CLDN18: variants seen among roughly 807,000 people sequenced by gnomAD.
The protein encoded by CLDN18 is claudin 18.
A neutral mutation model predicts 25.0 loss-of-function variants in CLDN18; 20 were observed. That is an observed-to-expected ratio of 0.80 (90% CI 0.56 to 1.16). The LOEUF is 1.16. CLDN18 is among the 50% of genes most tolerant of loss of function. CLDN18 has a pLI of 0.00. For missense variants in CLDN18, 297 were observed against 345.4 expected, an observed-to-expected ratio of 0.86 and a Z score of 1.11; for synonymous variants, 125 against 135.6, an observed-to-expected ratio of 0.92 and a Z score of 0.54.
intron 3 of CLDN18, among the ~76,000 whole-genome samples, chr3:138,029,157 A>AT (rs913423114): frequency 1.3e-4 from 20 of 150,612 alleles, no homozygotes; most frequent in African/African-American, 2.9e-4. Flanking sequence ...CTTGAGATTG[A>AT]TTTTTTTTTT....
chr3:138,004,392 G>A (rs1409558540), intron 1 of CLDN18, among the ~76,000 whole-genome samples: 1 of 151,912 alleles, frequency 6.6e-6, no homozygotes, highest in Non-Finnish European at 1.5e-5. Context: ...CAAAATACCG[G>A]CAAGAGTTTC....
At chr3:138,001,822 A>G (rs1942019475) in intron 1 of CLDN18, among the ~76,000 whole-genome samples, 1 of 152,208 alleles carries the variant, frequency 6.6e-6, no homozygotes, top group Admixed American at 6.5e-5. Context: ...TTTAATATAT[A>G]CAAGTATAAC....
chr3:138,029,740 G>A, intron 3 of CLDN18, 57 bp from the exon 4 acceptor site: 2 of 1,050,546 alleles, frequency 1.9e-6, no homozygotes, highest in Non-Finnish European at 2.8e-6. Context: ...CAGGTGCAGT[G>A]GGTGGAGCCT....
chr3:137,999,088 G>C (rs772561682), exon 1 of CLDN18: 2 of 1,613,860 alleles, frequency 1.2e-6, no homozygotes. Context: ...GGGGCTGCCA[G>C]GTAAGGGCCA....
intron 3 of CLDN18, among the ~76,000 whole-genome samples, chr3:138,028,048 T>C (rs1028483802): frequency 6.6e-6 from 1 of 151,928 alleles, no homozygotes; most frequent in Non-Finnish European, 1.5e-5. Context: ...TTAATCCTGC[T>C]AAAGTGTGTG....
rs1942123287 is a variant in CLDN18 at position 138,010,454 on chromosome 3, C to T, written c.220+9C>T. 3.1e-6 allele frequency: 5 copies of T among 1,613,744 alleles called. No homozygotes were observed. The highest frequency in any genetic ancestry group is 2.2e-5 in the East Asian group (1 of 44,870). ...CATCCTGGGACTTCCAGGTAGGCAC[C>T]GTGCACCCCGGGGTAGAGCCAGGTG... On this transcript the variant is annotated intron_variant, in intron 1 of 4. Transcript: ENST00000183605.
At chr3:138,005,688 TAAG>T (rs1942061583), upstream of CLDN18, among the ~76,000 whole-genome samples, 1 of 152,304 alleles carries the variant, frequency 6.6e-6, no homozygotes, top group Admixed American at 6.5e-5. Context: ...TGTAAAGAGA[TAAG>T]AACTTTCAAA....
At chr3:138,013,557 CAT>C (rs1553721059) in intron 1 of CLDN18, among the ~76,000 whole-genome samples, 2 of 152,250 alleles carry the variant, frequency 1.3e-5, no homozygotes, top group Non-Finnish European at 2.9e-5. Context: ...GAAAGGAACA[CAT>C]GTCACTCACA....
intron 1 of CLDN18, among the ~76,000 whole-genome samples, chr3:138,016,255 T>C (rs1372089961): frequency 1.3e-5 from 2 of 152,156 alleles, no homozygotes; most frequent in Non-Finnish European, 2.9e-5. Context: ...AAGGCAAAGC[T>C]TCTAAGTCTG....
chr3:138,018,133 A>G (rs1576410059), intron 1 of CLDN18, among the ~76,000 whole-genome samples: 2 of 152,194 alleles, frequency 1.3e-5, no homozygotes, highest in Non-Finnish European at 2.9e-5. Flanking sequence ...CTGCTGCTAT[A>G]AGAAGATTAT....
upstream of CLDN18, among the ~76,000 whole-genome samples, chr3:138,007,025 AT>A (rs762086351): frequency 6.6e-6 from 1 of 152,046 alleles, no homozygotes; most frequent in Non-Finnish European, 1.5e-5. Context: ...TTAATCAACA[AT>A]TTTTTTATTT....
intron 1 of CLDN18, among the ~76,000 whole-genome samples, chr3:138,013,266 AT>A (rs1247574784): frequency 6.6e-6 from 1 of 152,208 alleles, no homozygotes; most frequent in Non-Finnish European, 1.5e-5. Context: ...GAACAGATTC[AT>A]TTGTTCATCC....
At chr3:138,000,062 G>C (rs1216414519) in intron 1 of CLDN18, among the ~76,000 whole-genome samples, 1 of 152,186 alleles carries the variant, frequency 6.6e-6, no homozygotes, top group Non-Finnish European at 1.5e-5. Flanking sequence ...TTTGACTGCA[G>C]GGTCAAGACT....
rs1444377126 is a variant in CLDN18, at chr3:138,031,099, G to A, written c.744G>A (p.Glu248=). The A allele has an allele frequency of 2.5e-6, 4 of 1,614,020 alleles. No homozygotes were observed. The highest frequency in any genetic ancestry group is 3.4e-4 in the Middle Eastern group (2 of 5,966). Residue 248 remains glutamate, a synonymous_variant, in exon 5 of 5, where the codon GAG becomes GAA. Transcript: ENST00000183605. ...KKIYDGGART[E]DEVQSYPSKH... is the part of the protein sequence containing the mutation. Reference sequence around the variant, plus strand: ...TATACGATGGAGGTGCCCGCACAGAGGACGAGGTACAATCTTATCCTTCCA... The same window carrying A: ...TATACGATGGAGGTGCCCGCACAGAAGACGAGGTACAATCTTATCCTTCCA...
At chr3:137,999,751 C>T (rs1050169366) in intron 1 of CLDN18, among the ~76,000 whole-genome samples, 4 of 152,172 alleles carry the variant, frequency 2.6e-5, no homozygotes, top group African/African-American at 9.7e-5. Flanking sequence ...AAAGGTATTG[C>T]AGGCTGCCGT....
chr3:138,000,551 G>GTTGT (rs1171812758), intron 1 of CLDN18, among the ~76,000 whole-genome samples: 4 of 152,308 alleles, frequency 2.6e-5, no homozygotes, highest in Non-Finnish European at 5.9e-5. Flanking sequence ...TGGTTGGTTG[G>GTTGT]TTGGTTTGGG....
chr3:138,031,192 C>A lies in CLDN18; in HGVS notation c.*51C>A. On this transcript the variant is annotated 3_prime_UTR_variant, in exon 5 of 5. Transcript: ENST00000183605. The stretch of plus-strand genomic sequence containing the variant: ...GGAAGAAACTCCCGGAGAGCTCACC[C>A]AAAAAACAAGGAGATCCCATCTAGA... 6.9e-7 allele frequency: 1 copy of A among 1,456,916 alleles called. No individual in the cohort carries two copies. The allele number at this position is 1,456,916 out of a possible 1,614,324, so 90.2% of individuals were successfully genotyped here. A position where few individuals can be genotyped will look rare whatever the true frequency, so the allele number is the denominator to read the frequency against.
In CLDN18 at chr3:138,024,697, G is replaced by GA. The variant is rs1559807647; in HGVS notation, c.476_477insA (p.Gly160TrpfsTer106). ...ACAGCTAACATGTACACCGGCATGG[G>GA]TGGGATGGTGCAGACTGTTCAGACC... On this transcript the variant is annotated frameshift_variant, in exon 3 of 5. Coordinates refer to ENST00000183605, the MANE Select transcript of CLDN18 (RefSeq NM_016369.4). LOFTEE classifies it high-confidence loss of function. The GA allele has an allele frequency of 6.2e-7, 1 of 1,611,218 alleles. No homozygotes were observed. Among genetic ancestry groups the GA allele is most frequent in the Admixed American group, 1.7e-5 (1 of 60,014 alleles).
upstream of CLDN18, among the ~76,000 whole-genome samples, chr3:138,008,651 C>T (rs1042573733): frequency 5.3e-5 from 8 of 151,954 alleles, no homozygotes; most frequent in Admixed American, 3.9e-4. Flanking sequence ...GGAAGCCAGG[C>T]ACAGTGAGTC....
Sources: gnomAD v4.1 joint callset for allele counts (sites outside exome capture counted in the v4.1 genomes callset) on GRCh38, gnomAD v4.1.1 for gene constraint, MANE v1.5 for transcripts, NCBI Gene and HGNC (gene_info 2026-07-23, HGNC 2026-07-21) for gene names.